SORCS2: variants seen among roughly 807,000 people sequenced by gnomAD.
SORCS2 encodes VPS10 domain-containing receptor SorCS2.
A neutral mutation model predicts 141.6 loss-of-function variants in SORCS2; 100 were observed. The ratio of observed to expected loss-of-function variants is 0.71; its 90% confidence interval spans 0.60 to 0.83. The LOEUF (loss-of-function observed/expected upper bound fraction) is 0.83, where lower values mean the gene tolerates loss of function less well. SORCS2 is among the 40% of genes least tolerant of loss of function. SORCS2 has a pLI of 0.00. For synonymous variants in SORCS2, 789 were observed against 676.9 expected (o/e 1.17, Z -2.57); for missense variants, 1,646 against 1,560.2 (o/e 1.05, Z -0.93).
chr4:7,500,409 T>TG (rs1560335585), intron 2 of SORCS2, among the ~76,000 whole-genome samples: 1 of 152,010 alleles, frequency 6.6e-6, no homozygotes, highest in South Asian at 2.1e-4. Flanking sequence ...GGCCCTGGAA[T>TG]GGGGGCTTCC....
At chr4:7,495,716 G>A (rs899087415) in intron 2 of SORCS2, among the ~76,000 whole-genome samples, 3 of 152,184 alleles carry the variant, frequency 2.0e-5, no homozygotes, top group South Asian at 2.1e-4. Context: ...GCGGCCTCTC[G>A]TCTCCATGAT....
intron 18 of SORCS2, among the ~76,000 whole-genome samples, chr4:7,718,716 T>A (rs1246290230): frequency 2.0e-5 from 3 of 152,190 alleles, no homozygotes; most frequent in Non-Finnish European, 4.4e-5. Context: ...CAGGCTTGCT[T>A]TTTTTGCTTT....
At chr4:7,327,523 C>T (rs1382922943) in intron 1 of SORCS2, among the ~76,000 whole-genome samples, 2 of 152,250 alleles carry the variant, frequency 1.3e-5, no homozygotes, top group Non-Finnish European at 2.9e-5. Flanking sequence ...TAGATGGCAG[C>T]TGCCACCCTG....
intron 1 of SORCS2, among the ~76,000 whole-genome samples, chr4:7,395,816 C>A (rs1724174562): frequency 6.6e-6 from 1 of 152,186 alleles, no homozygotes; most frequent in African/African-American, 2.4e-5. Context: ...ACCACAGGGA[C>A]CTGCTCTGGT....
intron 2 of SORCS2, among the ~76,000 whole-genome samples, chr4:7,473,705 G>A (rs896947114): frequency 6.6e-6 from 1 of 152,114 alleles, no homozygotes; most frequent in African/African-American, 2.4e-5. Context: ...GGGCCTTTTG[G>A]GAGGAACTGC....
intron 3 of SORCS2, among the ~76,000 whole-genome samples, chr4:7,561,236 C>T (rs1363735909): frequency 6.6e-6 from 1 of 152,084 alleles, no homozygotes; most frequent in Non-Finnish European, 1.5e-5. Flanking sequence ...GCTACTGAGA[C>T]ATGGGAACAA....
At chr4:7,726,640 AG>A (rs1727237417) in intron 20 of SORCS2, 139 bp from the exon 21 acceptor site, 1 of 1,098,996 alleles carries the variant, frequency 9.1e-7, no homozygotes, top group African/African-American at 1.6e-5. Flanking sequence ...CTGCCACCAC[AG>A]GATGTCCATA....
chr4:7,459,803 C>T (rs977888484), intron 2 of SORCS2, among the ~76,000 whole-genome samples: 1 of 152,208 alleles, frequency 6.6e-6, no homozygotes, highest in East Asian at 1.9e-4. Context: ...CTTGAGGGTC[C>T]TGTGAAGCCA....
rs186050815 is a variant in SORCS2 at position 7,708,380 on chromosome 4, G to A, written c.1868+4096G>A. 2.0e-5 allele frequency among the ~76,000 whole-genome samples: 3 copies of A among 152,304 alleles called. No homozygotes were observed. In the East Asian group the frequency reaches 5.8e-4, roughly 29 times the overall value. On this transcript the variant is annotated intron_variant, in intron 14 of 26. Coordinates refer to ENST00000507866, the MANE Select transcript of SORCS2 (RefSeq NM_020777.3). Reference sequence around the variant, plus strand: ...AGCTCTGCTTCCCAGCTGGGGTCCCGGGTGGGTGGGAGCGTTATTCCCAAG... The same window carrying A: ...AGCTCTGCTTCCCAGCTGGGGTCCCAGGTGGGTGGGAGCGTTATTCCCAAG...
At chr4:7,613,686 T>C (rs538668894) in intron 3 of SORCS2, among the ~76,000 whole-genome samples, 131 of 152,218 alleles carry the variant, frequency 8.6e-4, no homozygotes, top group Middle Eastern at 3.4e-3. Context: ...CTCATCGATT[T>C]CCTAGTGTAA....
At chr4:7,473,694 A>AGGGCCTTTT (rs1249759083) in intron 2 of SORCS2, among the ~76,000 whole-genome samples, 20 of 150,814 alleles carry the variant, frequency 1.3e-4, no homozygotes, top group Non-Finnish European at 3.0e-5. Flanking sequence ...CAGGACTAGA[A>AGGGCCTTTT]GGGCCTTTTG....
In SORCS2 at chr4:7,740,837, A is replaced by G. The variant is rs1712611938; in HGVS notation, c.*573A>G. ...CAGCTCTGTAAATGCCTCTCTAGGT[A>G]GCTGCTGGCGGTGGTGGGGGTGTCT... On this transcript the variant is annotated 3_prime_UTR_variant, in exon 27 of 27. Coordinates refer to ENST00000507866, the MANE Select transcript of SORCS2 (RefSeq NM_020777.3). 5.2e-6 allele frequency: 2 copies of G among 386,068 alleles called. No homozygotes were observed. Among genetic ancestry groups the G allele is most frequent in the South Asian group, 1.4e-4 (1 of 6,934 alleles). 23.9% of individuals were successfully genotyped at this position (386,068 alleles called of 1,614,324 possible).
Position 7,434,129 on chromosome 4 carries a change from C to G in SORCS2, c.548+37774C>G, listed in dbSNP as rs565690935. ...GCCCCTAGCTCCTCACAGAATCCCCCCTTCCTGCAGAGCTCCTGCGGGGGG... is the reference window on the plus strand; with the variant it reads ...GCCCCTAGCTCCTCACAGAATCCCCGCTTCCTGCAGAGCTCCTGCGGGGGG... On this transcript the variant is annotated intron_variant, in intron 2 of 26. Coordinates refer to ENST00000507866, the MANE Select transcript of SORCS2 (RefSeq NM_020777.3). The G allele has an allele frequency of 1.9e-5, 30 of 1,613,132 alleles. No individual in the cohort carries two copies. The highest frequency in any genetic ancestry group is 2.1e-5 in the Non-Finnish European group (25 of 1,179,366).
intron 2 of SORCS2, among the ~76,000 whole-genome samples, chr4:7,402,274 C>T (rs1248809731): frequency 6.6e-6 from 1 of 152,214 alleles, no homozygotes; most frequent in Non-Finnish European, 1.5e-5. Context: ...CCTCACCACC[C>T]ACCTGGAAGT....
At chr4:7,243,369 C>G (rs770822037) in intron 1 of SORCS2, among the ~76,000 whole-genome samples, 6 of 152,116 alleles carry the variant, frequency 3.9e-5, no homozygotes, top group Non-Finnish European at 8.8e-5. Flanking sequence ...TTGTCCCCTG[C>G]GTGATGGTCT....
In SORCS2 at chr4:7,495,187, A is replaced by C. The variant is rs181479230; in HGVS notation, c.549-36343A>C. On this transcript the variant is annotated intron_variant, in intron 2 of 26. Coordinates refer to ENST00000507866, the MANE Select transcript of SORCS2 (RefSeq NM_020777.3). ...TCAGCGTCAAAGCCTCGCTTGCCCC[A>C]GACTAAATGCTGGGGGAGATGAATT... 2.9e-3 allele frequency among the ~76,000 whole-genome samples: 439 copies of C among 152,312 alleles called. 1 individual carries two copies. Among genetic ancestry groups the C allele is most frequent in the Admixed American group, 5.4e-3 (82 of 15,304 alleles).
chr4:7,487,481 C>T (rs1472963822), intron 2 of SORCS2, among the ~76,000 whole-genome samples: 1 of 152,176 alleles, frequency 6.6e-6, no homozygotes, highest in Non-Finnish European at 1.5e-5. Flanking sequence ...AGGGTGGTGG[C>T]TTGTTGAATG....
At chr4:7,695,694 T>G (rs56400915) in intron 11 of SORCS2, among the ~76,000 whole-genome samples, 23 of 812 alleles carry the variant, frequency 0.028, no homozygotes, top group African/African-American at 0.041. Context: ...ATGGGTGGAT[T>G]GGTGGGTGGG....
intron 4 of SORCS2, among the ~76,000 whole-genome samples, chr4:7,639,330 C>T (rs1270873892): frequency 6.6e-6 from 1 of 152,216 alleles, no homozygotes; most frequent in Non-Finnish European, 1.5e-5. Context: ...TGGCAGCTGC[C>T]AGTATCTCCT....
Sources: allele counts gnomAD v4.1 joint callset (sites outside exome capture counted in the v4.1 genomes callset), GRCh38; gene constraint gnomAD v4.1.1; transcripts MANE v1.5; gene names NCBI Gene and HGNC (gene_info 2026-07-23, HGNC 2026-07-21).